Variants in ACVRL1 observed in about 807,000 individuals in gnomAD.
The protein encoded by ACVRL1 is activin A receptor like type 1, also known as activin receptor type-1-like.
A neutral mutation model predicts 51.9 loss-of-function variants in ACVRL1; 20 were observed. The observed-to-expected ratio is 0.39, with a 90% CI of 0.27 to 0.56. ACVRL1 has a LOEUF of 0.56. ACVRL1 is among the 20% of genes least tolerant of loss of function. ACVRL1 has a pLI of 0.67. For missense variants in ACVRL1, 451 were observed against 670.3 expected (o/e 0.67, Z 3.61); for synonymous variants, 288 against 280.9 (o/e 1.03, Z -0.25).
Position 51,912,539 on chromosome 12 carries a change from A to G in ACVRL1, c.61+4A>G. 6.2e-7 allele frequency: 1 copy of G among 1,609,124 alleles called. No individual in the cohort carries two copies. The highest frequency in any genetic ancestry group is 1.1e-5 in the South Asian group (1 of 90,962). ...CTGATGGCCTTGGTGACCCAGGGTG[A>G]GTACTGGGGGAGCAGTTAGGAAACA... On this transcript the variant is annotated splice_donor_region_variant and intron_variant, in intron 2 of 9. Coordinates refer to ENST00000388922, the MANE Select transcript of ACVRL1 (RefSeq NM_000020.3).
Position 51,922,443 on chromosome 12 carries a change from C to G in ACVRL1, c.*1550C>G, listed in dbSNP as rs1265555999. On this transcript the variant is annotated 3_prime_UTR_variant, in exon 10 of 10. Coordinates refer to ENST00000388922, the MANE Select transcript of ACVRL1 (RefSeq NM_000020.3). The stretch of plus-strand genomic sequence containing the variant: ...AATTTGGCTCCATCCAAGAAGGCTC[C>G]AGCTCCCCTACTGGCCCCTGGCTCA... 6.6e-6 allele frequency: 1 copy of G among 152,438 alleles called. No homozygotes were observed. Among genetic ancestry groups the G allele is most frequent in the African/African-American group, 2.4e-5 (1 of 41,448 alleles). The allele number at this position is 152,438 out of a possible 1,614,324, so 9.4% of individuals were successfully genotyped here. A position where few individuals can be genotyped will look rare whatever the true frequency, so the allele number is the denominator to read the frequency against.
intron 6 of ACVRL1, among the ~76,000 whole-genome samples, chr12:51,914,918 AT>A (rs1233213003): frequency 2.0e-5 from 3 of 151,646 alleles, no homozygotes; most frequent in Admixed American, 2.0e-4. Context: ...TAACTTTTTT[AT>A]TTTTTGTAGA....
At chr12:51,914,288 A>T in intron 5 of ACVRL1, 151 bp from the exon 6 acceptor site, 1 of 1,321,290 alleles carries the variant, frequency 7.6e-7, no homozygotes, top group African/African-American at 1.5e-5. Context: ...GTGGCCTGCC[A>T]CTGGGTTTGG....
At chr12:51,913,510 G>T in intron 3 of ACVRL1, 49 bp from the exon 4 acceptor site, 1 of 1,565,576 alleles carries the variant, frequency 6.4e-7, no homozygotes, top group Non-Finnish European at 8.6e-7. Context: ...GCCCGAGGTG[G>T]GGGGAGCTGA....
upstream of ACVRL1, chr12:51,907,360 C>T (rs1172424781): frequency 6.6e-6 from 1 of 152,290 alleles, no homozygotes; most frequent in African/African-American, 2.4e-5. The surrounding 1 kb of genome is among the most constrained non-coding windows in gnomAD (Gnocchi z 4.5). Flanking sequence ...GGGGGTGGGT[C>T]CCGGTCCTGC....
intron 1 of ACVRL1, among the ~76,000 whole-genome samples, chr12:51,911,465 A>G (rs1245835204): frequency 1.3e-5 from 2 of 152,194 alleles, no homozygotes; most frequent in Non-Finnish European, 2.9e-5. Flanking sequence ...GAAGGGGGCC[A>G]GGGAACAGCT....
In ACVRL1 at chr12:51,914,445, G is replaced by T; in HGVS notation, c.632G>T (p.Gly211Val). The T allele has an allele frequency of 6.2e-7, 1 of 1,614,200 alleles. No homozygotes were observed. ...CTTCCCCTCTGGCCATCAGGAAAAG[G>T]CCGCTATGGCGAAGTGTGGCGGGGC... ...QVALVECVGK[G>V]RYGEVWRGLW... Residue 211 changes from glycine to valine, a missense_variant, in exon 6 of 10, where the codon GGC (glycine) becomes GTC (valine). Around this residue, in one of 2 missense-constraint regions of ACVRL1, gnomAD observed 259 missense variants for 453.4 expected, o/e 0.57. Transcript: ENST00000388922.
At chr12:51,912,791 G>A (rs1940719292) in intron 2 of ACVRL1, among the ~76,000 whole-genome samples, 1 of 152,124 alleles carries the variant, frequency 6.6e-6, no homozygotes, top group Non-Finnish European at 1.5e-5. Context: ...GGGGTGGAGG[G>A]AGAGCAGGTG....
At chr12:51,911,608 G>C (rs1460283045) in intron 1 of ACVRL1, among the ~76,000 whole-genome samples, 1 of 152,206 alleles carries the variant, frequency 6.6e-6, no homozygotes, top group Non-Finnish European at 1.5e-5. Flanking sequence ...CCACTGGATA[G>C]GGACAGAGCG....
chr12:51,921,172 A>C lies in ACVRL1; in HGVS notation c.*279A>C, dbSNP rs931930117. 20 of 457,222 alleles carry C rather than the reference A, an allele frequency of 4.4e-5. No individual in the cohort carries two copies. Among genetic ancestry groups the C allele is most frequent in the Non-Finnish European group, 6.9e-5 (17 of 246,510 alleles). 28.3% of individuals were successfully genotyped at this position (457,222 alleles called of 1,614,324 possible). ...GTGCACCCCCTACCACTCCCGGGAC[A>C]GGATGCAAAAGAGGCTCCAGAGTCA... is the stretch of plus-strand genomic sequence containing the variant. On this transcript the variant is annotated 3_prime_UTR_variant, in exon 10 of 10. Transcript: ENST00000388922.
chr12:51,907,189 C>T (rs1940610365), upstream of ACVRL1, among the ~76,000 whole-genome samples: 1 of 152,024 alleles, frequency 6.6e-6, no homozygotes, highest in African/African-American at 2.4e-5. This position sits in a 1 kb window ranked among gnomAD's most constrained non-coding sequence, Gnocchi z 4.5. Context: ...CCGGACCCCA[C>T]GGGACCCCTA....
intron 1 of ACVRL1, among the ~76,000 whole-genome samples, chr12:51,908,202 C>T (rs1940631751): frequency 6.6e-6 from 1 of 152,210 alleles, no homozygotes; most frequent in Non-Finnish European, 1.5e-5. Flanking sequence ...TGGTCAGTCA[C>T]CTCCTTGCCA....
At chr12:51,918,851 G>T (rs1053876557) in intron 8 of ACVRL1, 134 bp from the exon 9 acceptor site, 44 of 1,224,750 alleles carry the variant, frequency 3.6e-5, no homozygotes, top group Non-Finnish European at 5.0e-5. Flanking sequence ...GCATTATACT[G>T]TCCCTCTCAG....
At position 51,907,533 on chromosome 12, in the gene ACVRL1, G is replaced by C. The variant is rs1465380790; in HGVS notation, c.-168G>C. 2 of 151,990 alleles carry C rather than the reference G, an allele frequency of 1.3e-5. No homozygotes were observed. Among genetic ancestry groups the C allele is most frequent in the Non-Finnish European group, 2.9e-5 (2 of 67,988 alleles). The allele number at this position is 151,990 out of a possible 1,614,324, so 9.4% of individuals were successfully genotyped here. A position where few individuals can be genotyped will look rare whatever the true frequency, so the allele number is the denominator to read the frequency against. ...GTCCCGGGAGGCTGCCGCGCCAGCT[G>C]CGCCGAGCGAGCCCCTCCCCGGCTC... On this transcript the variant is annotated 5_prime_UTR_variant, in exon 1 of 10. Coordinates refer to ENST00000388922, the MANE Select transcript of ACVRL1 (RefSeq NM_000020.3). This position sits in a 1 kb window ranked among gnomAD's most constrained non-coding sequence, Gnocchi z 4.5.
In ACVRL1 at chr12:51,920,919, C is replaced by T. The variant is rs1200340718; in HGVS notation, c.*26C>T. Reference sequence around the variant, plus strand: ...CCCAGGAGCACCTGATTCCTTTCTGCCTGCAGGGGGCTGGGGGGGTGGGGG... The same window carrying T: ...CCCAGGAGCACCTGATTCCTTTCTGTCTGCAGGGGGCTGGGGGGGTGGGGG... On this transcript the variant is annotated 3_prime_UTR_variant, in exon 10 of 10. Transcript: ENST00000388922. 4 of 728,806 alleles carry T rather than the reference C, an allele frequency of 5.5e-6. No individual in the cohort carries two copies. Among genetic ancestry groups the T allele is most frequent in the Admixed American group, 2.1e-5 (1 of 46,808 alleles). 45.1% of individuals were successfully genotyped at this position (728,806 alleles called of 1,614,324 possible). A position where few individuals can be genotyped will look rare whatever the true frequency, so the allele number is the denominator to read the frequency against.
At chr12:51,910,374 T>C (rs1430081170) in intron 1 of ACVRL1, among the ~76,000 whole-genome samples, 2 of 152,200 alleles carry the variant, frequency 1.3e-5, no homozygotes, top group Non-Finnish European at 2.9e-5. Context: ...CCACACAAAC[T>C]GATCAGAACT....
chr12:51,916,149 G>A lies in ACVRL1; in HGVS notation c.1162G>A (p.Asp388Asn), dbSNP rs1156690415. 6.2e-7 allele frequency: 1 copy of A among 1,614,108 alleles called. No homozygotes were observed. The highest frequency in any genetic ancestry group is 8.5e-7 in the Non-Finnish European group (1 of 1,180,062). ...PEVLDEQIRTDCFESYKWTDI... is the reference protein window; with the variant it reads ...PEVLDEQIRTNCFESYKWTDI... The stretch of plus-strand genomic sequence containing the variant: ...GGTGCTGGACGAGCAGATCCGCACG[G>A]ACTGCTTTGAGTCCTACAAGTGGAC... Residue 388 changes from aspartate to asparagine, a missense_variant, in exon 8 of 10, where the codon GAC (aspartate) becomes AAC (asparagine). Asp to Asn is a conservative substitution (Grantham distance 23). Around this residue, in one of 2 missense-constraint regions of ACVRL1, gnomAD observed 259 missense variants for 453.4 expected, o/e 0.57. Transcript: ENST00000388922.
upstream of ACVRL1, chr12:51,907,052 C>T (rs1310776546): frequency 6.6e-6 from 1 of 152,200 alleles, no homozygotes; most frequent in Non-Finnish European, 1.5e-5. This position sits in a 1 kb window ranked among gnomAD's most constrained non-coding sequence, Gnocchi z 4.5. Flanking sequence ...CTCGGTGGCC[C>T]CTTCCCGGCG....
At chr12:51,913,000 G>A in intron 2 of ACVRL1, 99 bp from the exon 3 acceptor site, 1 of 1,509,862 alleles carries the variant, frequency 6.6e-7, no homozygotes. Flanking sequence ...GTGTTTGTCT[G>A]AGGGGTCAGA....
Sources: allele counts gnomAD v4.1 joint callset (sites outside exome capture counted in the v4.1 genomes callset), GRCh38; gene constraint gnomAD v4.1.1; regional missense constraint gnomAD v4.1.1; non-coding constraint Gnocchi (gnomAD v3.1); transcripts MANE v1.5; gene names NCBI Gene and HGNC (gene_info 2026-07-23, HGNC 2026-07-21).